MDGA2: variants seen among roughly 807,000 people sequenced by gnomAD.
MDGA2 encodes the protein MAM domain-containing glycosylphosphatidylinositol anchor protein 2.
A neutral mutation model predicts 117.8 loss-of-function variants in MDGA2; 40 were observed. That is an observed-to-expected ratio of 0.34 (90% CI 0.26 to 0.44). The LOEUF is 0.44. MDGA2 is among the 20% of genes least tolerant of loss of function. MDGA2 has a pLI of 1.00. For synonymous variants in MDGA2, 452 were observed against 439.0 expected (o/e 1.03, Z -0.37); for missense variants, 1,123 against 1,250.6 (o/e 0.90, Z 1.54).
At chr14:47,201,821 C>T (rs1885518970) in intron 3 of MDGA2, among the ~76,000 whole-genome samples, 1 of 152,154 alleles carries the variant, frequency 6.6e-6, no homozygotes, top group Admixed American at 6.5e-5. Context: ...AATATCCTCT[C>T]TGCTTTACAT....
chr14:47,576,385 A>G (rs901079503), intron 1 of MDGA2, among the ~76,000 whole-genome samples: 2 of 152,198 alleles, frequency 1.3e-5, no homozygotes, highest in Admixed American at 6.5e-5. Flanking sequence ...AAATAGAGAG[A>G]TTCCTTCCAC....
At chr14:47,167,470 G>A (rs1051653099) in intron 3 of MDGA2, among the ~76,000 whole-genome samples, 2 of 152,080 alleles carry the variant, frequency 1.3e-5, no homozygotes, top group African/African-American at 4.8e-5. Context: ...AGTGCATAGG[G>A]AGAAAGGCAA....
rs1468151604 is a variant in MDGA2, at chr14:46,841,548, CTA to C, written c.*381_*382del. ...TTAGGTTTCCATGGTAACAAGCAAA[CTA>C]TTCATTTGAAACAAAACCAGCCATG... On this transcript the variant is annotated 3_prime_UTR_variant, in exon 17 of 17. Transcript: ENST00000399232. The C allele has an allele frequency of 6.5e-6, 1 of 154,072 alleles. No homozygotes were observed. Among genetic ancestry groups the C allele is most frequent in the East Asian group, 1.9e-4 (1 of 5,272 alleles). 9.5% of individuals were successfully genotyped at this position (154,072 alleles called of 1,614,324 possible).
intron 6 of MDGA2, among the ~76,000 whole-genome samples, chr14:47,090,222 G>A (rs1685933616): frequency 6.6e-6 from 1 of 152,040 alleles, no homozygotes; most frequent in African/African-American, 2.4e-5. Flanking sequence ...TTGGAAGAGA[G>A]TTATAATGTT....
chr14:47,075,914 ATCC>A (rs1354897660), intron 6 of MDGA2, among the ~76,000 whole-genome samples: 3 of 152,162 alleles, frequency 2.0e-5, no homozygotes, highest in Non-Finnish European at 4.4e-5. Flanking sequence ...TTTCTAGATT[ATCC>A]TCCTCCTATT....
chr14:46,975,345 G>A (rs1445270528), intron 8 of MDGA2, among the ~76,000 whole-genome samples: 1 of 152,024 alleles, frequency 6.6e-6, no homozygotes, highest in East Asian at 1.9e-4. Flanking sequence ...CTACTTCTAA[G>A]TGTATATCTA....
chr14:47,120,335 T>G (rs936236112), intron 5 of MDGA2, among the ~76,000 whole-genome samples: 1 of 152,028 alleles, frequency 6.6e-6, no homozygotes, highest in African/African-American at 2.4e-5. Flanking sequence ...AGGGTGCCTA[T>G]CAAAAACCAA....
At chr14:47,400,918 C>T (rs1312956607) in intron 1 of MDGA2, among the ~76,000 whole-genome samples, 2 of 148,312 alleles carry the variant, frequency 1.3e-5, no homozygotes, top group Non-Finnish European at 1.5e-5. Flanking sequence ...CCACCACGCC[C>T]GGCTAATTTT....
At chr14:47,050,257 C>T (rs559647812) in intron 7 of MDGA2, among the ~76,000 whole-genome samples, 17 of 152,088 alleles carry the variant, frequency 1.1e-4, no homozygotes, top group African/African-American at 4.1e-4. Context: ...ACAGCTTAAG[C>T]TTCTCATACG....
chr14:47,016,298 G>A (rs1013998918), intron 8 of MDGA2, among the ~76,000 whole-genome samples: 3 of 151,868 alleles, frequency 2.0e-5, no homozygotes, highest in African/African-American at 7.3e-5. Context: ...TTCATAACAT[G>A]AGGTCCAAAT....
intron 9 of MDGA2, among the ~76,000 whole-genome samples, chr14:46,954,461 G>A (rs1296270226): frequency 6.6e-6 from 1 of 152,082 alleles, no homozygotes; most frequent in Non-Finnish European, 1.5e-5. Flanking sequence ...AAGGCCAGGA[G>A]TCTGAAACCA....
At chr14:46,849,439 A>C (rs187681115) in intron 15 of MDGA2, among the ~76,000 whole-genome samples, 1 of 152,028 alleles carries the variant, frequency 6.6e-6, no homozygotes, top group East Asian at 1.9e-4. Context: ...ACTTTAATTA[A>C]ATTTTATAGA....
chr14:47,130,942 C>T (rs1422498449), intron 5 of MDGA2, among the ~76,000 whole-genome samples: 1 of 152,054 alleles, frequency 6.6e-6, no homozygotes, highest in African/African-American at 2.4e-5. Context: ...GGGTGCAGCA[C>T]ACCAACATGG....
At chr14:46,915,415 A>G (rs1883861090) in intron 10 of MDGA2, among the ~76,000 whole-genome samples, 1 of 152,184 alleles carries the variant, frequency 6.6e-6, no homozygotes, top group South Asian at 2.1e-4. Context: ...ATGTAAGAAA[A>G]TTTCACATGT....
intron 8 of MDGA2, among the ~76,000 whole-genome samples, chr14:47,029,238 A>G (rs1223867715): frequency 6.6e-6 from 1 of 152,166 alleles, no homozygotes; most frequent in East Asian, 1.9e-4. Flanking sequence ...TTTCTTGAGA[A>G]AAAGCCTCAA....
chr14:46,914,425 C>A (rs1178065544), intron 10 of MDGA2, among the ~76,000 whole-genome samples: 1 of 152,048 alleles, frequency 6.6e-6, no homozygotes, highest in Non-Finnish European at 1.5e-5. Flanking sequence ...TTTCTTAAAG[C>A]AGTGATTCCA....
chr14:47,195,350 G>C (rs937043990), intron 3 of MDGA2, among the ~76,000 whole-genome samples: 1 of 151,832 alleles, frequency 6.6e-6, no homozygotes, highest in Admixed American at 6.6e-5. Flanking sequence ...AAATCTCCAA[G>C]GAGCACTTTT....
chr14:46,861,091 TAG>T (rs1320657563), intron 14 of MDGA2, among the ~76,000 whole-genome samples: 1 of 151,906 alleles, frequency 6.6e-6, no homozygotes, highest in Non-Finnish European at 1.5e-5. Flanking sequence ...CCCTTTCATA[TAG>T]AGTTTTATTT....
At chr14:47,318,948 A>G (rs182603105) in intron 1 of MDGA2, among the ~76,000 whole-genome samples, 1 of 152,328 alleles carries the variant, frequency 6.6e-6, no homozygotes. Flanking sequence ...CACTTGATCA[A>G]ATGAAACTAA....
Sources: allele counts gnomAD v4.1 joint callset (sites outside exome capture counted in the v4.1 genomes callset), GRCh38; gene constraint gnomAD v4.1.1; transcripts MANE v1.5; gene names NCBI Gene and HGNC (gene_info 2026-07-23, HGNC 2026-07-21).